FGF12: variants seen among roughly 807,000 people sequenced by gnomAD.
FGF12 encodes the protein fibroblast growth factor 12B.
In FGF12, 14 loss-of-function variants were observed where a neutral mutation model predicts 23.6. That is an observed-to-expected ratio of 0.59 (90% confidence interval 0.39 to 0.93). The LOEUF (loss-of-function observed/expected upper bound fraction) is 0.93, where lower values mean the gene tolerates loss of function less well. FGF12 is among the 40% of genes least tolerant of loss of function. The pLI, the probability that FGF12 is intolerant of heterozygous loss-of-function variation, is 0.00. For synonymous variants in FGF12, 62 were observed against 77.3 expected, an observed-to-expected ratio of 0.80 and a Z score of 1.04; for missense variants, 175 against 217.8, an observed-to-expected ratio of 0.80 and a Z score of 1.24.
chr3:192,147,762 T>A (rs914133188), intron 5 of FGF12, among the ~76,000 whole-genome samples: 1 of 151,580 alleles, frequency 6.6e-6, no homozygotes, highest in Non-Finnish European at 1.5e-5. Context: ...TAGTTAAGAG[T>A]TTTGAATAAA....
intron 2 of FGF12, among the ~76,000 whole-genome samples, chr3:192,585,636 G>A (rs1713341031): frequency 6.6e-6 from 1 of 152,036 alleles, no homozygotes; most frequent in African/African-American, 2.4e-5. Flanking sequence ...CACTTACTGA[G>A]GAGGGGTTGC....
chr3:192,329,653 T>C (rs1383708107), intron 4 of FGF12, among the ~76,000 whole-genome samples: 2 of 152,174 alleles, frequency 1.3e-5, no homozygotes, highest in Non-Finnish European at 2.9e-5. Context: ...CCAACCGAAA[T>C]GCCTTTAAGC....
At chr3:192,576,104 A>G (rs1712869635) in intron 2 of FGF12, among the ~76,000 whole-genome samples, 1 of 152,184 alleles carries the variant, frequency 6.6e-6, no homozygotes, top group African/African-American at 2.4e-5. Flanking sequence ...ATCCTTTGGG[A>G]GGTCAGGCAA....
At chr3:192,653,108 G>T (rs764626709) in intron 2 of FGF12, among the ~76,000 whole-genome samples, 5 of 152,110 alleles carry the variant, frequency 3.3e-5, no homozygotes, top group Non-Finnish European at 1.5e-5. Context: ...ATGCTCTTTA[G>T]GGAACACCTA....
At chr3:192,423,442 T>C (rs1426784730) in intron 2 of FGF12, among the ~76,000 whole-genome samples, 1 of 152,184 alleles carries the variant, frequency 6.6e-6, no homozygotes, top group Admixed American at 6.5e-5. Flanking sequence ...ATAACTGCTG[T>C]TAGCTTATTG....
intron 2 of FGF12, among the ~76,000 whole-genome samples, chr3:192,691,866 C>T (rs1253866401): frequency 6.7e-6 from 1 of 148,376 alleles, no homozygotes; most frequent in Middle Eastern, 3.2e-3. Context: ...ATAAAAAGGA[C>T]ATGAAGGACT....
At chr3:192,629,068 T>A (rs1715289076) in intron 2 of FGF12, among the ~76,000 whole-genome samples, 1 of 152,230 alleles carries the variant, frequency 6.6e-6, no homozygotes, top group African/African-American at 2.4e-5. Flanking sequence ...TTTAACTTTA[T>A]ATGAATATAA....
intron 2 of FGF12, among the ~76,000 whole-genome samples, chr3:192,672,412 TA>T (rs1717158118): frequency 6.6e-6 from 1 of 151,068 alleles, no homozygotes; most frequent in South Asian, 2.1e-4. Flanking sequence ...GAACACACAT[TA>T]AAATTGTCAT....
intron 2 of FGF12, among the ~76,000 whole-genome samples, chr3:192,451,565 A>G (rs1025173495): frequency 6.6e-5 from 10 of 152,256 alleles, no homozygotes; most frequent in African/African-American, 2.4e-4. Context: ...TTAGGTATTT[A>G]ATGGACTAAA....
intron 2 of FGF12, among the ~76,000 whole-genome samples, chr3:192,674,824 G>A (rs1471829159): frequency 6.6e-6 from 1 of 152,180 alleles, no homozygotes; most frequent in African/African-American, 2.4e-5. Flanking sequence ...GTGTGTCCCA[G>A]GTTTAGCCAT....
intron 2 of FGF12, among the ~76,000 whole-genome samples, chr3:192,518,209 T>A (rs1002570976): frequency 6.6e-6 from 1 of 152,218 alleles, no homozygotes; most frequent in African/African-American, 2.4e-5. Flanking sequence ...CTTTCTGTTT[T>A]CTAATTGACT....
chr3:192,258,074 T>TTTTG (rs1205333376), intron 4 of FGF12, among the ~76,000 whole-genome samples: 13 of 151,722 alleles, frequency 8.6e-5, no homozygotes, highest in South Asian at 2.1e-4. Context: ...TAAAGGTTGT[T>TTTTG]TTTGTTTGTT....
rs1047791862 is a variant in FGF12, at chr3:192,141,567, C to A, written c.*2442G>T. 6.6e-6 allele frequency: 1 copy of A among 151,890 alleles called. No homozygotes were observed. The highest frequency in any genetic ancestry group is 1.5e-5 in the Non-Finnish European group (1 of 67,862). The allele number at this position is 151,890 out of a possible 1,614,324, so 9.4% of individuals were successfully genotyped here. A position where few individuals can be genotyped will look rare whatever the true frequency, so the allele number is the denominator to read the frequency against. ...ACATAATACGGAGAAAAACAATATACAAATTGTGTGGTTAGAATTTTTTCT... is the reference window on the plus strand; with the variant it reads ...ACATAATACGGAGAAAAACAATATAAAAATTGTGTGGTTAGAATTTTTTCT... On this transcript the variant is annotated 3_prime_UTR_variant, in exon 6 of 6. Coordinates refer to ENST00000445105, the MANE Select transcript of FGF12 (RefSeq NM_004113.6).
chr3:192,174,853 G>T (rs1344280996), intron 4 of FGF12, among the ~76,000 whole-genome samples: 1 of 152,012 alleles, frequency 6.6e-6, no homozygotes, highest in Non-Finnish European at 1.5e-5. Flanking sequence ...TGTAAATTGA[G>T]TTATTTTAAG....
At chr3:192,185,872 A>AG (rs1345923273) in intron 4 of FGF12, among the ~76,000 whole-genome samples, 1 of 152,002 alleles carries the variant, frequency 6.6e-6, no homozygotes, top group African/African-American at 2.4e-5. Context: ...AAAAAAAAAA[A>AG]GTTACAGCGA....
At chr3:192,329,706 G>T (rs1185027027) in intron 4 of FGF12, among the ~76,000 whole-genome samples, 1 of 152,066 alleles carries the variant, frequency 6.6e-6, no homozygotes, top group Non-Finnish European at 1.5e-5. Flanking sequence ...TACAAGTTTT[G>T]TCAAAAACTT....
intron 4 of FGF12, among the ~76,000 whole-genome samples, chr3:192,240,192 T>C (rs1315258132): frequency 6.6e-6 from 1 of 152,198 alleles, no homozygotes; most frequent in African/African-American, 2.4e-5. Flanking sequence ...TTCCATATGT[T>C]TGTTATTCAA....
intron 5 of FGF12, among the ~76,000 whole-genome samples, chr3:192,167,732 T>TATATATATATATATATATAC (rs1715253887): frequency 2.0e-4 from 1 of 4,882 alleles, no homozygotes; most frequent in Non-Finnish European, 3.1e-4. Flanking sequence ...AGGTTATAGG[T>TATATATATATATATATATAC]ATATATATAT....
intron 2 of FGF12, among the ~76,000 whole-genome samples, chr3:192,481,459 C>T (rs1340723196): frequency 6.6e-6 from 1 of 152,140 alleles, no homozygotes; most frequent in Non-Finnish European, 1.5e-5. Flanking sequence ...CCTAATTAAT[C>T]CACATCTATA....
Sources: allele counts gnomAD v4.1 joint callset (sites outside exome capture counted in the v4.1 genomes callset), GRCh38; gene constraint gnomAD v4.1.1; transcripts MANE v1.5; gene names NCBI Gene and HGNC (gene_info 2026-07-23, HGNC 2026-07-21).